The following WWP1 variants were observed in gnomAD, a reference collection of about 807,000 sequenced individuals.
WWP1 encodes NEDD4-like E3 ubiquitin-protein ligase WWP1.
A neutral mutation model predicts 130.6 loss-of-function variants in WWP1; 49 were observed. The observed-to-expected ratio is 0.38, with a 90% confidence interval of 0.30 to 0.48. The LOEUF is 0.48. Ranked by LOEUF, WWP1 falls within the 20% of genes least tolerant of loss-of-function variation. WWP1 has a pLI of 0.99. For synonymous variants in WWP1, 332 were observed against 367.8 expected (o/e 0.90, Z 1.11); for missense variants, 809 against 1,100.6 (o/e 0.74, Z 3.75).
At chr8:86,451,880 C>T (rs1811195124) in intron 20 of WWP1, among the ~76,000 whole-genome samples, 1 of 152,178 alleles carries the variant, frequency 6.6e-6, no homozygotes, top group Non-Finnish European at 1.5e-5. Flanking sequence ...TGTCATACTT[C>T]CCTGCTCTTA....
In WWP1 at chr8:86,429,362, G is replaced by A. The variant is rs148521067; in HGVS notation, c.1333-1335G>A. 9.8e-3 allele frequency among the ~76,000 whole-genome samples: 1,497 copies of A among 152,252 alleles called. 27 individuals carry two copies. Among genetic ancestry groups the A allele is most frequent in the African/African-American group, 0.034 (1,427 of 41,532 alleles). On this transcript the variant is annotated intron_variant, in intron 11 of 24. Transcript: ENST00000517970. Reference sequence around the variant, plus strand: ...ACGTTTCTACCTCCAACAAAACAGGGTTTTGGTTCTCAAGAACAGGTGGAA... The same window carrying A: ...ACGTTTCTACCTCCAACAAAACAGGATTTTGGTTCTCAAGAACAGGTGGAA...
At chr8:86,383,795 G>C in intron 5 of WWP1, among the ~76,000 whole-genome samples, 1 of 152,110 alleles carries the variant, frequency 6.6e-6, no homozygotes, top group East Asian at 1.9e-4. Context: ...AATTGAGTAG[G>C]ATACGGATAT....
At chr8:86,430,675 C>G in intron 11 of WWP1, 22 bp from the exon 12 acceptor site, 2 of 1,577,394 alleles carry the variant, frequency 1.3e-6, no homozygotes, top group Non-Finnish European at 1.7e-6. Flanking sequence ...TTATTTCTCT[C>G]CCTAATCTTT....
chr8:86,389,632 C>CCAT (rs1398586758), intron 5 of WWP1, among the ~76,000 whole-genome samples: 1 of 152,240 alleles, frequency 6.6e-6, no homozygotes, highest in African/African-American at 2.4e-5. Flanking sequence ...GACAAAACCC[C>CCAT]CATCATCATC....
At chr8:86,383,380 A>C (rs762156170) in intron 5 of WWP1, among the ~76,000 whole-genome samples, 1 of 152,188 alleles carries the variant, frequency 6.6e-6, no homozygotes, top group Non-Finnish European at 1.5e-5. Context: ...TTATCTGCCA[A>C]ATGATCTTCT....
At chr8:86,397,941 A>G (rs1238299834) in intron 5 of WWP1, among the ~76,000 whole-genome samples, 1 of 152,172 alleles carries the variant, frequency 6.6e-6, no homozygotes, top group Non-Finnish European at 1.5e-5. Flanking sequence ...AGGCTTAAAG[A>G]TGTTTGAATA....
At chr8:86,372,796 A>T (rs1478346347) in intron 2 of WWP1, among the ~76,000 whole-genome samples, 1 of 151,992 alleles carries the variant, frequency 6.6e-6, no homozygotes, top group Non-Finnish European at 1.5e-5. Context: ...GTCTTATCAG[A>T]CATTTATTTA....
At chr8:86,349,298 C>T (rs1435517546) in intron 1 of WWP1, among the ~76,000 whole-genome samples, 1 of 152,284 alleles carries the variant, frequency 6.6e-6, no homozygotes, top group Non-Finnish European at 1.5e-5. Context: ...GGATTACAGG[C>T]GTGAGCCACC....
At chr8:86,357,762 A>G (rs995899080) in intron 1 of WWP1, among the ~76,000 whole-genome samples, 1 of 152,198 alleles carries the variant, frequency 6.6e-6, no homozygotes, top group Admixed American at 6.5e-5. Flanking sequence ...AGTCTCAGCA[A>G]TTTATTTCAG....
chr8:86,362,167 T>TGC (rs1823691217), intron 1 of WWP1, among the ~76,000 whole-genome samples: 6 of 45,994 alleles, frequency 1.3e-4, no homozygotes, highest in African/African-American at 3.4e-4. Context: ...ACAAGGCATA[T>TGC]ATATATATAT....
chr8:86,388,460 T>C (rs1240803278), intron 5 of WWP1, among the ~76,000 whole-genome samples: 1 of 152,150 alleles, frequency 6.6e-6, no homozygotes, highest in Non-Finnish European at 1.5e-5. Flanking sequence ...TCATTGTTAG[T>C]TTGAAATCTG....
intron 21 of WWP1, among the ~76,000 whole-genome samples, chr8:86,456,228 CA>C (rs373974276): frequency 1.6e-3 from 237 of 151,850 alleles, no homozygotes; most frequent in African/African-American, 5.3e-3. Flanking sequence ...TTTTAGAACA[CA>C]AAAAGCAATA....
At chr8:86,407,531 T>TTACAGACA (rs1808347672) in intron 8 of WWP1, among the ~76,000 whole-genome samples, 1 of 152,144 alleles carries the variant, frequency 6.6e-6, no homozygotes, top group African/African-American at 2.4e-5. Context: ...ACCAAATGCA[T>TTACAGACA]TTACAGACAT....
chr8:86,392,892 A>C (rs1325088724), intron 5 of WWP1, among the ~76,000 whole-genome samples: 1 of 152,216 alleles, frequency 6.6e-6, no homozygotes, highest in Non-Finnish European at 1.5e-5. Flanking sequence ...AAAGGGAATG[A>C]AAAGTTTTCT....
At chr8:86,373,075 T>G (rs1340319454) in intron 2 of WWP1, among the ~76,000 whole-genome samples, 4 of 150,978 alleles carry the variant, frequency 2.6e-5, no homozygotes, top group Admixed American at 6.6e-5. Flanking sequence ...TAGTTTGTTT[T>G]TTTTTTTTTT....
intron 5 of WWP1, among the ~76,000 whole-genome samples, chr8:86,394,567 T>G (rs1807544156): frequency 6.6e-6 from 1 of 152,198 alleles, no homozygotes. Context: ...AAAGCAGTGG[T>G]AAGGAGGTCT....
At chr8:86,352,961 A>T (rs1446614971) in intron 1 of WWP1, among the ~76,000 whole-genome samples, 1 of 152,240 alleles carries the variant, frequency 6.6e-6, no homozygotes, top group African/African-American at 2.4e-5. Context: ...CTAAAAGTTA[A>T]GCTAGAAGTT....
At chr8:86,461,076 T>G in intron 22 of WWP1, 148 bp from the exon 23 acceptor site, 1 of 612,014 alleles carries the variant, frequency 1.6e-6, no homozygotes, top group Non-Finnish European at 2.8e-6. Context: ...CCCAAAATGC[T>G]GGGATTACAG....
intron 5 of WWP1, among the ~76,000 whole-genome samples, chr8:86,396,086 T>A (rs1344256974): frequency 6.6e-6 from 1 of 151,876 alleles, no homozygotes; most frequent in Non-Finnish European, 1.5e-5. Context: ...AAGCTGAAAT[T>A]CGTGCTTTTG....
Sources: allele counts gnomAD v4.1 joint callset (sites outside exome capture counted in the v4.1 genomes callset), GRCh38; gene constraint gnomAD v4.1.1; transcripts MANE v1.5; gene names NCBI Gene and HGNC (gene_info 2026-07-23, HGNC 2026-07-21).